PCDHGA1: variants seen among roughly 807,000 people sequenced by gnomAD.
PCDHGA1 encodes protocadherin gamma subfamily A, 1.
In PCDHGA1, 32 loss-of-function variants were observed where a neutral mutation model predicts 58.0. That is an observed-to-expected ratio of 0.55 (90% CI 0.42 to 0.74). PCDHGA1 has a LOEUF of 0.74. Ranked by LOEUF, PCDHGA1 falls within the 30% of genes least tolerant of loss-of-function variation. The pLI, the probability that PCDHGA1 is intolerant of heterozygous loss-of-function variation, is 0.00. For synonymous variants in PCDHGA1, 498 were observed against 501.1 expected (o/e 0.99, Z 0.08); for missense variants, 1,205 against 1,182.3 (o/e 1.02, Z -0.28).
At chr5:141,421,960 C>G in intron 1 of PCDHGA1, 3 of 1,612,526 alleles carry the variant, frequency 1.9e-6, no homozygotes, top group Non-Finnish European at 2.5e-6. Context: ...AATGTTTACA[C>G]AGTCCGTATA....
intron 1 of PCDHGA1, chr5:141,418,522 C>A: frequency 6.2e-7 from 1 of 1,614,000 alleles, no homozygotes; most frequent in Non-Finnish European, 8.5e-7. Flanking sequence ...GGGACCCTCC[C>A]CGAAGCGGTA....
intron 1 of PCDHGA1, chr5:141,394,972 A>T (rs766374618): frequency 1.7e-5 from 28 of 1,613,900 alleles, no homozygotes; most frequent in Non-Finnish European, 2.3e-5. Flanking sequence ...AGGCGCTGGC[A>T]CAAGTCACGC....
chr5:141,374,718 T>A (rs1462422521), intron 1 of PCDHGA1: 6 of 1,609,996 alleles, frequency 3.7e-6, no homozygotes, highest in Non-Finnish European at 5.1e-6. Context: ...CGCCTGGTCC[T>A]TACTGCCATG....
rs1467108246 is a variant in PCDHGA1 at position 141,332,212 on chromosome 5, G to A, written c.1528G>A (p.Asp510Asn). The A allele has an allele frequency of 6.2e-7, 1 of 1,614,076 alleles. No homozygotes were observed. The highest frequency in any genetic ancestry group is 8.5e-7 in the Non-Finnish European group (1 of 1,180,054). ...ATCTGCCTACCTCTCCATCAACTCC[G>A]ACACTGGGGTCCTGTATGCGCTGCG... ...PLSAYLSINS[D>N]TGVLYALRSF... Residue 510 changes from aspartate to asparagine, a missense_variant, in exon 1 of 4, where the codon GAC (aspartate) becomes AAC (asparagine). Transcript: ENST00000517417. This position sits in a 1 kb window ranked among gnomAD's most constrained non-coding sequence, Gnocchi z 4.6.
intron 1 of PCDHGA1, chr5:141,356,536 A>G: frequency 6.2e-7 from 1 of 1,614,110 alleles, no homozygotes; most frequent in Non-Finnish European, 8.5e-7. Context: ...GATGGACATC[A>G]ATGACAACCC....
At chr5:141,403,001 T>C (rs1189114508) in intron 1 of PCDHGA1, 11 of 1,613,878 alleles carry the variant, frequency 6.8e-6, no homozygotes, top group African/African-American at 1.3e-5. Flanking sequence ...AGTCCTGCTA[T>C]GCTCGCTCCT....
chr5:141,375,003 T>C lies in PCDHGA1; in HGVS notation c.2421+41898T>C, dbSNP rs376283841. The C allele has an allele frequency of 7.7e-5, 124 of 1,613,936 alleles. No individual in the cohort carries two copies. Among genetic ancestry groups the C allele is most frequent in the Non-Finnish European group, 1.0e-4 (120 of 1,179,910 alleles). The stretch of plus-strand genomic sequence containing the variant: ...GGAGAAATTTCAACTTCTGCAAATC[T>C]AGACTATGAGGACTCGAGTTTTTAT... On this transcript the variant is annotated intron_variant, in intron 1 of 3. Transcript: ENST00000517417.
At chr5:141,450,869 G>A (rs1435272731) in intron 1 of PCDHGA1, among the ~76,000 whole-genome samples, 1 of 147,142 alleles carries the variant, frequency 6.8e-6, no homozygotes, top group Admixed American at 6.9e-5. Context: ...CTGTCACCCA[G>A]GCTGGTGTGC....
chr5:141,357,653 C>A (rs1478258336), intron 1 of PCDHGA1: 2 of 1,607,882 alleles, frequency 1.2e-6, no homozygotes, highest in Non-Finnish European at 1.7e-6. Context: ...TCATACCACA[C>A]TGAAATATAG....
chr5:141,333,917 A>T (rs934685710), intron 1 of PCDHGA1: 4 of 152,272 alleles, frequency 2.6e-5, no homozygotes, highest in Non-Finnish European at 1.5e-5. Context: ...TTTATCATGC[A>T]ACTTGAGAAA....
intron 1 of PCDHGA1, chr5:141,419,056 T>C (rs2096318283): frequency 6.2e-7 from 1 of 1,613,836 alleles, no homozygotes; most frequent in Non-Finnish European, 8.5e-7. Context: ...CTTCTTCTAA[T>C]AATTACTACA....
At chr5:141,438,018 G>A (rs959672278) in intron 1 of PCDHGA1, among the ~76,000 whole-genome samples, 1 of 152,082 alleles carries the variant, frequency 6.6e-6, no homozygotes, top group African/African-American at 2.4e-5. Context: ...TGAGATTACA[G>A]GTGTGAGCCA....
intron 1 of PCDHGA1, chr5:141,423,611 C>T: frequency 1.1e-5 from 18 of 1,611,094 alleles, no homozygotes; most frequent in Non-Finnish European, 1.5e-5. Flanking sequence ...CTCTTGATAG[C>T]TGAAGACTCA....
intron 1 of PCDHGA1, chr5:141,430,857 A>T: frequency 6.3e-7 from 1 of 1,591,434 alleles, no homozygotes; most frequent in Non-Finnish European, 8.5e-7. Flanking sequence ...CAGATACGCT[A>T]TTCAGTTCCG....
intron 1 of PCDHGA1, among the ~76,000 whole-genome samples, chr5:141,467,414 C>A (rs1410743140): frequency 6.6e-5 from 10 of 152,168 alleles, no homozygotes; most frequent in African/African-American, 1.2e-4. Flanking sequence ...CCTTTCCCCA[C>A]ACCTAGGTTA....
chr5:141,392,865 G>A, intron 1 of PCDHGA1: 1 of 1,613,006 alleles, frequency 6.2e-7, no homozygotes, highest in Non-Finnish European at 8.5e-7. Flanking sequence ...CCTGCTGTGC[G>A]CGCTGCTGGG....
rs1264017483 is a variant in PCDHGA1 at position 141,477,989 on chromosome 5, A to G, written c.2422-16818A>G. The G allele has an allele frequency of 5.6e-6, 9 of 1,614,086 alleles. No individual in the cohort carries two copies. The highest frequency in any genetic ancestry group is 1.6e-4 in the Middle Eastern group (1 of 6,062). On this transcript the variant is annotated intron_variant, in intron 1 of 3. Coordinates refer to ENST00000517417, the MANE Select transcript of PCDHGA1 (RefSeq NM_018912.3). The surrounding 1 kb of genome is among the most constrained non-coding windows in gnomAD (Gnocchi z 4.9). ...GAGCCTTTTTGCCATAGGGCTGCACACTGGTCAAATCAGTACTGCCCGTCC... is the reference window on the plus strand; with the variant it reads ...GAGCCTTTTTGCCATAGGGCTGCACGCTGGTCAAATCAGTACTGCCCGTCC...
intron 1 of PCDHGA1, chr5:141,408,883 C>A: frequency 6.2e-7 from 1 of 1,613,462 alleles, no homozygotes; most frequent in Non-Finnish European, 8.5e-7. Flanking sequence ...CCACCGCTCA[C>A]ATAGAAATTT....
chr5:141,332,089 G>C lies in PCDHGA1; in HGVS notation c.1405G>C (p.Ala469Pro). ...AYIPENNPRG[A>P]SIFSVRAHDL... ...CATTCCCGAAAACAACCCCAGAGGA[G>C]CCTCCATCTTCTCTGTGAGGGCCCA... Residue 469 changes from alanine (A) to proline (P), a missense_variant, in exon 1 of 4, where the codon GCC becomes CCC. By Grantham distance (27) the Ala-to-Pro change is conservative. Transcript: ENST00000517417. The surrounding 1 kb of genome is among the most constrained non-coding windows in gnomAD (Gnocchi z 4.6). 6.2e-7 allele frequency: 1 copy of C among 1,614,130 alleles called. No individual in the cohort carries two copies. The highest frequency in any genetic ancestry group is 8.5e-7 in the Non-Finnish European group (1 of 1,180,034).
Sources: allele counts gnomAD v4.1 joint callset (sites outside exome capture counted in the v4.1 genomes callset), GRCh38; gene constraint gnomAD v4.1.1; non-coding constraint Gnocchi (gnomAD v3.1); transcripts MANE v1.5; gene names NCBI Gene and HGNC (gene_info 2026-07-23, HGNC 2026-07-21).